The following DLG2 variants were observed in gnomAD, a reference collection of about 807,000 sequenced individuals.
The protein encoded by DLG2 is disks large homolog 2.
In DLG2, 45 loss-of-function variants were observed where a neutral mutation model predicts 132.5. The ratio of observed to expected loss-of-function variants is 0.34; its 90% CI spans 0.27 to 0.44. The LOEUF is 0.44. Ranked by LOEUF, DLG2 falls within the 20% of genes least tolerant of loss-of-function variation. The pLI, the probability that DLG2 is intolerant of heterozygous loss-of-function variation, is 1.00. For missense variants in DLG2, 1,045 were observed against 1,196.9 expected, an observed-to-expected ratio of 0.87 and a Z score of 1.87; for synonymous variants, 424 against 419.6, an observed-to-expected ratio of 1.01 and a Z score of -0.13.
At chr11:83,741,297 T>C (rs561621885) in intron 18 of DLG2, among the ~76,000 whole-genome samples, 9 of 152,234 alleles carry the variant, frequency 5.9e-5, no homozygotes, top group Non-Finnish European at 1.2e-4. Flanking sequence ...CTGGAAGTTC[T>C]AGCCAGGACA....
At chr11:84,630,438 G>A (rs1352609130) in intron 6 of DLG2, among the ~76,000 whole-genome samples, 2 of 152,050 alleles carry the variant, frequency 1.3e-5, no homozygotes, top group Admixed American at 1.3e-4. Flanking sequence ...GCTCTTAACT[G>A]CAAGTCCTTC....
At chr11:84,235,410 A>G (rs954992141) in intron 8 of DLG2, among the ~76,000 whole-genome samples, 6 of 152,144 alleles carry the variant, frequency 3.9e-5, no homozygotes, top group African/African-American at 1.4e-4. Context: ...CACTAACTGC[A>G]TTTTAAAGAT....
chr11:83,608,609 A>T (rs551108), intron 19 of DLG2, among the ~76,000 whole-genome samples: 1 of 151,926 alleles, frequency 6.6e-6, no homozygotes, highest in South Asian at 2.1e-4. Context: ...TCTGGTAAAC[A>T]TGTATCATTT....
intron 4 of DLG2, among the ~76,000 whole-genome samples, chr11:85,211,189 ATAT>A (rs1332631805): frequency 1.3e-5 from 2 of 152,154 alleles, no homozygotes; most frequent in African/African-American, 2.4e-5. Context: ...TTACTGCTAC[ATAT>A]TATTTCATTT....
intron 3 of DLG2, among the ~76,000 whole-genome samples, chr11:85,330,759 C>G (rs1169237712): frequency 9.2e-6 from 1 of 108,934 alleles, no homozygotes; most frequent in African/African-American, 3.6e-5. Context: ...CACATGTACC[C>G]TAAAACTTAG....
intron 6 of DLG2, chr11:84,923,537 C>T (rs369668813): frequency 3.1e-5 from 32 of 1,021,546 alleles, no homozygotes; most frequent in South Asian, 3.7e-5. Context: ...TGGAGAGCCC[C>T]GGTGTTATCC....
intron 20 of DLG2, among the ~76,000 whole-genome samples, chr11:83,537,190 C>T (rs1342072136): frequency 1.3e-5 from 2 of 152,196 alleles, no homozygotes; most frequent in Non-Finnish European, 2.9e-5. Flanking sequence ...TTTCACATCT[C>T]TAGAGAGCAC....
intron 6 of DLG2, among the ~76,000 whole-genome samples, chr11:84,549,410 G>A (rs760340674): frequency 2.6e-5 from 4 of 152,220 alleles, no homozygotes; most frequent in Non-Finnish European, 5.9e-5. Flanking sequence ...GCATCTGTGA[G>A]TGAGAATCAT....
chr11:84,607,421 C>A (rs2154536193), intron 6 of DLG2, among the ~76,000 whole-genome samples: 1 of 152,156 alleles, frequency 6.6e-6, no homozygotes, highest in Non-Finnish European at 1.5e-5. Flanking sequence ...TAAACTAGAG[C>A]AGGCTATAAT....
chr11:85,249,901 C>T (rs2076316522), intron 4 of DLG2, among the ~76,000 whole-genome samples: 1 of 152,002 alleles, frequency 6.6e-6, no homozygotes. Context: ...TGCTAGACAG[C>T]ATGGAGAATT....
intron 11 of DLG2, among the ~76,000 whole-genome samples, chr11:84,016,633 C>A (rs1593150376): frequency 6.6e-6 from 1 of 152,180 alleles, no homozygotes; most frequent in East Asian, 1.9e-4. Context: ...TTGTTTTTGT[C>A]AGGTTTGTTG....
intron 6 of DLG2, among the ~76,000 whole-genome samples, chr11:84,659,193 C>G (rs888113351): frequency 7.2e-5 from 11 of 152,004 alleles, no homozygotes; most frequent in Non-Finnish European, 7.4e-5. Context: ...TCAAGTCCAA[C>G]TTGTAGGTAG....
At chr11:84,351,319 C>T (rs1225465460) in intron 7 of DLG2, among the ~76,000 whole-genome samples, 1 of 151,930 alleles carries the variant, frequency 6.6e-6, no homozygotes, top group African/African-American at 2.4e-5. Flanking sequence ...CAGCCCAGGT[C>T]CTCTCATATT....
intron 8 of DLG2, among the ~76,000 whole-genome samples, chr11:84,192,591 G>A (rs556283659): frequency 2.0e-5 from 3 of 152,108 alleles, no homozygotes; most frequent in Admixed American, 6.5e-5. Flanking sequence ...TTAGCTGGGC[G>A]TGGTGGCAGG....
At chr11:85,124,932 G>A (rs1207537312) in intron 5 of DLG2, among the ~76,000 whole-genome samples, 6 of 151,718 alleles carry the variant, frequency 4.0e-5, no homozygotes, top group South Asian at 4.2e-4. Context: ...CCAGGTTCAC[G>A]CCATTCTCCT....
At chr11:85,490,021 T>C (rs964446081) in intron 3 of DLG2, among the ~76,000 whole-genome samples, 1 of 152,016 alleles carries the variant, frequency 6.6e-6, no homozygotes, top group African/African-American at 2.4e-5. Context: ...GATCCTTGTC[T>C]CTACAAAAAC....
intron 6 of DLG2, among the ~76,000 whole-genome samples, chr11:84,708,781 A>T (rs1359788976): frequency 1.3e-5 from 2 of 151,888 alleles, no homozygotes; most frequent in Admixed American, 6.6e-5. Context: ...GCAAAGGGCA[A>T]TGCACAAGTA....
chr11:83,773,025 T>A (rs966816910), intron 18 of DLG2, among the ~76,000 whole-genome samples: 12 of 152,228 alleles, frequency 7.9e-5, no homozygotes, highest in African/African-American at 2.4e-4. Flanking sequence ...CATTCACTCA[T>A]CAAACAGGTA....
chr11:84,955,586 T>C (rs190186085), intron 6 of DLG2: 6 of 152,322 alleles, frequency 3.9e-5, no homozygotes, highest in African/African-American at 1.4e-4. Context: ...TTAATATGTT[T>C]AATTTCATCA....
Sources: allele counts gnomAD v4.1 joint callset (sites outside exome capture counted in the v4.1 genomes callset), GRCh38; gene constraint gnomAD v4.1.1; transcripts MANE v1.5; gene names NCBI Gene and HGNC (gene_info 2026-07-23, HGNC 2026-07-21).